The following MCTP1 variants were observed in gnomAD, a reference collection of about 807,000 sequenced individuals.
MCTP1 encodes the protein multiple C2 and transmembrane domain-containing protein 1.
Under a neutral mutation model 120.6 loss-of-function variants are expected in MCTP1, and 69 were observed. The ratio of observed to expected loss-of-function variants is 0.57; its 90% CI spans 0.47 to 0.70. MCTP1 has a LOEUF of 0.70. Among genes scored for constraint, MCTP1 ranks in the 30% least tolerant of loss-of-function variants. The pLI, the probability that MCTP1 is intolerant of heterozygous loss-of-function variation, is 0.00. For missense variants in MCTP1, 1,203 were observed against 1,248.8 expected, an observed-to-expected ratio of 0.96 and a Z score of 0.55; for synonymous variants, 529 against 493.1, an observed-to-expected ratio of 1.07 and a Z score of -0.96.
intron 1 of MCTP1, among the ~76,000 whole-genome samples, chr5:95,130,206 C>T (rs930066329): frequency 6.6e-6 from 1 of 152,198 alleles, no homozygotes; most frequent in Non-Finnish European, 1.5e-5. Context: ...ATAATAAACT[C>T]CTCTTATCTA....
chr5:95,233,323 TA>T (rs1184659097), intron 1 of MCTP1, among the ~76,000 whole-genome samples: 3 of 150,374 alleles, frequency 2.0e-5, no homozygotes, highest in Non-Finnish European at 4.4e-5. Context: ...CTAAATGGCA[TA>T]CTTCTTTTTT....
intron 19 of MCTP1, among the ~76,000 whole-genome samples, chr5:94,776,805 T>C (rs1302888412): frequency 2.0e-5 from 3 of 152,134 alleles, no homozygotes; most frequent in Non-Finnish European, 4.4e-5. Context: ...AGTAGGAAAT[T>C]ACCCTTCTTC....
chr5:94,774,920 T>G (rs1387852594), intron 19 of MCTP1, among the ~76,000 whole-genome samples: 1 of 152,170 alleles, frequency 6.6e-6, no homozygotes, highest in Non-Finnish European at 1.5e-5. Flanking sequence ...TTCTCTCATA[T>G]CACATCACTT....
At chr5:95,040,661 C>G (rs1489269359) in intron 1 of MCTP1, among the ~76,000 whole-genome samples, 1 of 152,092 alleles carries the variant, frequency 6.6e-6, no homozygotes, top group Non-Finnish European at 1.5e-5. Context: ...CTCTTCATAA[C>G]TGATGTGGTT....
At chr5:94,832,810 G>A (rs1233995713) in intron 17 of MCTP1, among the ~76,000 whole-genome samples, 1 of 152,146 alleles carries the variant, frequency 6.6e-6, no homozygotes. Flanking sequence ...TTTTCATTGG[G>A]AGCCTAAGGG....
At chr5:95,016,405 A>C (rs949240242) in intron 2 of MCTP1, among the ~76,000 whole-genome samples, 1 of 152,138 alleles carries the variant, frequency 6.6e-6, no homozygotes, top group Non-Finnish European at 1.5e-5. Flanking sequence ...GTATTATATT[A>C]AATTATTTTT....
chr5:94,979,492 T>C (rs1236108417), intron 2 of MCTP1: 3 of 152,098 alleles, frequency 2.0e-5, no homozygotes, highest in African/African-American at 7.2e-5. Context: ...TGACCAGAGG[T>C]AGAGTATAGC....
At chr5:95,255,675 T>C (rs1355966022) in intron 1 of MCTP1, among the ~76,000 whole-genome samples, 2 of 152,162 alleles carry the variant, frequency 1.3e-5, no homozygotes, top group East Asian at 1.9e-4. Flanking sequence ...AATCAGAAGA[T>C]GGTGATTCAT....
chr5:95,095,837 C>G (rs1020023089), intron 1 of MCTP1, among the ~76,000 whole-genome samples: 4 of 152,162 alleles, frequency 2.6e-5, no homozygotes, highest in African/African-American at 4.8e-5. Flanking sequence ...ATCAAAGAAA[C>G]GAACTGATAC....
intron 12 of MCTP1, among the ~76,000 whole-genome samples, chr5:94,882,149 A>G (rs141770051): frequency 5.3e-5 from 8 of 152,222 alleles, no homozygotes; most frequent in Admixed American, 1.3e-4. Flanking sequence ...TAAGCCTATT[A>G]TTTGTCTGTA....
intron 1 of MCTP1, among the ~76,000 whole-genome samples, chr5:95,212,044 C>CA (rs1752444684): frequency 6.6e-6 from 1 of 151,918 alleles, no homozygotes; most frequent in African/African-American, 2.4e-5. Flanking sequence ...GATAGAGACA[C>CA]AAAAAACCCT....
At chr5:95,180,085 C>A (rs544632709) in intron 1 of MCTP1, among the ~76,000 whole-genome samples, 2 of 152,174 alleles carry the variant, frequency 1.3e-5, no homozygotes, top group Non-Finnish European at 2.9e-5. Flanking sequence ...ACTAATCCAA[C>A]AGGAAAATAT....
chr5:94,724,071 G>A (rs917639496), intron 19 of MCTP1, among the ~76,000 whole-genome samples: 3 of 152,122 alleles, frequency 2.0e-5, no homozygotes, highest in Admixed American at 1.3e-4. Flanking sequence ...ATAAAGTCAA[G>A]ACAGAAACAA....
rs1760542780 is a variant in MCTP1 at position 95,283,997 on chromosome 5, C to G, written c.579G>C (p.Leu193Phe). The change falls in exon 1 of 23, where the codon TTG becomes TTC. Residue 193 changes from leucine (L) to phenylalanine (F), a missense_variant. Around this residue, in one of 2 missense-constraint regions of MCTP1, gnomAD observed 463 missense variants for 377.8 expected, o/e 1.23. Transcript: ENST00000515393. ...GARRQGPGAH[L>F]CHQKSSSLPG... is the part of the protein sequence containing the mutation. ...GCAGAGAGGAGCTCTTCTGGTGGCA[C>G]AAGTGCGCCCCGGGGCCCTGACGCC... The G allele has an allele frequency of 1.4e-6, 2 of 1,469,150 alleles. No homozygotes were observed. The allele number at this position is 1,469,150 out of a possible 1,614,324, so 91.0% of individuals were successfully genotyped here. A position where few individuals can be genotyped will look rare whatever the true frequency, so the allele number is the denominator to read the frequency against.
intron 1 of MCTP1, among the ~76,000 whole-genome samples, chr5:95,097,308 T>G (rs552318380): frequency 6.6e-6 from 1 of 152,070 alleles, no homozygotes; most frequent in Non-Finnish European, 1.5e-5. Flanking sequence ...AGAGAATAGC[T>G]TGGGCTAGGA....
intron 12 of MCTP1, among the ~76,000 whole-genome samples, chr5:94,884,249 C>G (rs17084199): frequency 1.3e-5 from 2 of 152,132 alleles, no homozygotes; most frequent in Admixed American, 1.3e-4. Context: ...ATATTTACCA[C>G]GCAATTCTGT....
intron 1 of MCTP1, among the ~76,000 whole-genome samples, chr5:95,234,068 G>C (rs1456186717): frequency 6.6e-6 from 1 of 151,832 alleles, no homozygotes; most frequent in Non-Finnish European, 1.5e-5. Context: ...GAGTAAGAGA[G>C]GTGACTTCCA....
chr5:94,768,150 G>A (rs1356393572), intron 19 of MCTP1, among the ~76,000 whole-genome samples: 1 of 152,052 alleles, frequency 6.6e-6, no homozygotes, highest in African/African-American at 2.4e-5. Flanking sequence ...GCATAAATTG[G>A]GGAAAGGACA....
intron 6 of MCTP1, among the ~76,000 whole-genome samples, chr5:94,924,869 G>T (rs564931782): frequency 1.3e-5 from 2 of 152,280 alleles, no homozygotes; most frequent in East Asian, 3.9e-4. Context: ...ATTATTCTAT[G>T]ATTTTGTGTC....
Sources: allele counts gnomAD v4.1 joint callset (sites outside exome capture counted in the v4.1 genomes callset), GRCh38; gene constraint gnomAD v4.1.1; regional missense constraint gnomAD v4.1.1; transcripts MANE v1.5; gene names NCBI Gene and HGNC (gene_info 2026-07-23, HGNC 2026-07-21).